TBCD: variants seen among roughly 807,000 people sequenced by gnomAD.
The protein encoded by TBCD is tubulin folding cofactor D, also known as tubulin-specific chaperone D.
A neutral mutation model predicts 169.3 loss-of-function variants in TBCD; 105 were observed. The observed-to-expected ratio is 0.62, with a 90% CI of 0.53 to 0.73. The LOEUF (loss-of-function observed/expected upper bound fraction) is 0.73, where lower values mean the gene tolerates loss of function less well. Among genes scored for constraint, TBCD ranks in the 30% least tolerant of loss-of-function variants. The pLI is 0.00. For synonymous variants in TBCD, 700 were observed against 643.9 expected, an observed-to-expected ratio of 1.09 and a Z score of -1.32; for missense variants, 1,444 against 1,600.1, an observed-to-expected ratio of 0.90 and a Z score of 1.66.
intron 16 of TBCD, among the ~76,000 whole-genome samples, chr17:82,892,429 G>A (rs2059206399): frequency 6.6e-6 from 1 of 152,128 alleles, no homozygotes; most frequent in Admixed American, 6.5e-5. Context: ...GCAGCCTCAG[G>A]CAGAAGTTTA....
intron 8 of TBCD, among the ~76,000 whole-genome samples, chr17:82,799,650 C>G (rs1318552633): frequency 1.3e-5 from 2 of 152,218 alleles, no homozygotes; most frequent in Admixed American, 6.5e-5. Context: ...ACAGTGCCAT[C>G]TCACCTGTGT....
chr17:82,798,755 A>G (rs992894177), intron 8 of TBCD, among the ~76,000 whole-genome samples: 7 of 151,864 alleles, frequency 4.6e-5, no homozygotes, highest in Non-Finnish European at 8.8e-5. Flanking sequence ...AATTCTCTTA[A>G]TTTATTCTTT....
At chr17:82,772,827 T>C (rs981847134) in intron 6 of TBCD, among the ~76,000 whole-genome samples, 9 of 152,132 alleles carry the variant, frequency 5.9e-5, no homozygotes, top group African/African-American at 9.7e-5. Context: ...GTGGCAGTTA[T>C]GAGAAACATC....
intron 12 of TBCD, among the ~76,000 whole-genome samples, chr17:82,813,822 CAG>C (rs144869978): frequency 8.1e-4 from 123 of 152,308 alleles, no homozygotes; most frequent in African/African-American, 2.8e-3. Context: ...CTGTCGGTGA[CAG>C]TGAGCTCTGA....
Position 82,881,975 on chromosome 17 carries a change from T to C in TBCD, c.1476-2170T>C, listed in dbSNP as rs140170703. 7.2e-3 allele frequency among the ~76,000 whole-genome samples: 1,089 copies of C among 152,082 alleles called. 9 individuals carry two copies. The highest frequency in any genetic ancestry group is 0.025 in the African/African-American group (1,037 of 41,474). ...CAGAGCCTGTGAGACTTGCAGGCAT[T>C]TCCCCAGAACCCAGGCCCTCTTGGC... On this transcript the variant is annotated intron_variant, in intron 14 of 38. Coordinates refer to ENST00000355528, the MANE Select transcript of TBCD (RefSeq NM_005993.5).
Position 82,754,236 on chromosome 17 carries a change from GT to G in TBCD, c.184+1860del, listed in dbSNP as rs2047284288. Among the ~76,000 whole-genome samples, 4 of 152,122 alleles carry G rather than the reference GT, an allele frequency of 2.6e-5. No homozygotes were observed. In the South Asian group the frequency reaches 8.3e-4, roughly 32 times the overall value. On this transcript the variant is annotated intron_variant, in intron 1 of 38. Coordinates refer to ENST00000355528, the MANE Select transcript of TBCD (RefSeq NM_005993.5). ...TTTTAGAGGTAATCTGGGGGAAAGG[GT>G]GGGGGTGGCTGATTGGTTAGGGGTA... is the stretch of plus-strand genomic sequence containing the variant.
chr17:82,807,510 C>T (rs554181922), intron 10 of TBCD, 98 bp from the exon 11 acceptor site: 11 of 720,784 alleles, frequency 1.5e-5, no homozygotes, highest in East Asian at 1.0e-4. Context: ...TTCCCTTCGG[C>T]GTGTGCACTG....
At chr17:82,836,104 C>T (rs1216097504) in intron 13 of TBCD, among the ~76,000 whole-genome samples, 2 of 152,208 alleles carry the variant, frequency 1.3e-5, no homozygotes, top group South Asian at 2.1e-4. Context: ...GAAGAAAGAA[C>T]GTGAAATAAT....
chr17:82,904,470 A>C (rs1331138924), intron 19 of TBCD, among the ~76,000 whole-genome samples: 1 of 152,268 alleles, frequency 6.6e-6, no homozygotes, highest in Non-Finnish European at 1.5e-5. Context: ...GGGAGACTCA[A>C]AGTCTGCCCA....
In TBCD at chr17:82,832,068, C is replaced by T; in HGVS notation, c.1318+17134C>T. The T allele has an allele frequency of 6.2e-7, 1 of 1,614,034 alleles. No homozygotes were observed. The highest frequency in any genetic ancestry group is 8.5e-7 in the Non-Finnish European group (1 of 1,179,912). On this transcript the variant is annotated intron_variant, in intron 13 of 38. Transcript: ENST00000355528. This position sits in a 1 kb window ranked among gnomAD's most constrained non-coding sequence, Gnocchi z 4.9. The stretch of plus-strand genomic sequence containing the variant: ...AGGGTGATGCCCTGTGGAGGGCTGG[C>T]TTCTGTCCCAGGCACCTGTGGGTTC...
intron 2 of TBCD, among the ~76,000 whole-genome samples, chr17:82,763,232 C>T (rs539928285): frequency 6.6e-6 from 1 of 152,130 alleles, no homozygotes; most frequent in Non-Finnish European, 1.5e-5. Flanking sequence ...TGTATACTTA[C>T]AGAATTGTTA....
rs1350388938 is a variant in TBCD, at chr17:82,915,197, AGGACGCCGGCATGTCG to A, written c.2038+3410_2038+3425del. 6.6e-6 allele frequency among the ~76,000 whole-genome samples: 1 copy of A among 152,138 alleles called. No homozygotes were observed. Among genetic ancestry groups the A allele is most frequent in the Non-Finnish European group, 1.5e-5 (1 of 68,026 alleles). ...CCAGAGGATGGCGCCCTTACCCCCG[AGGACGCCGGCATGTCG>A]GTGACATGCCGCCCGCAGGAGCATC... On this transcript the variant is annotated intron_variant, in intron 23 of 38. Coordinates refer to ENST00000355528, the MANE Select transcript of TBCD (RefSeq NM_005993.5). This position sits in a 1 kb window ranked among gnomAD's most constrained non-coding sequence, Gnocchi z 4.3.
chr17:82,799,720 C>T (rs1202506130), intron 8 of TBCD, among the ~76,000 whole-genome samples: 10 of 152,192 alleles, frequency 6.6e-5, no homozygotes, highest in Admixed American at 5.2e-4. Context: ...CACCCGAGAA[C>T]GCGAGCAGCC....
At position 82,874,893 on chromosome 17, in the gene TBCD, T is replaced by C. The variant is rs754867681; in HGVS notation, c.1475+4513T>C. ...TGATACAATCTTGATTTCTCTAACTTTCACAAGTTCTTCGGTGGGTCCTGT... is the reference window on the plus strand; with the variant it reads ...TGATACAATCTTGATTTCTCTAACTCTCACAAGTTCTTCGGTGGGTCCTGT... On this transcript the variant is annotated intron_variant, in intron 14 of 38. Coordinates refer to ENST00000355528, the MANE Select transcript of TBCD (RefSeq NM_005993.5). This position sits in a 1 kb window ranked among gnomAD's most constrained non-coding sequence, Gnocchi z 5.0. 6.6e-6 allele frequency among the ~76,000 whole-genome samples: 1 copy of C among 152,240 alleles called. No homozygotes were observed. The highest frequency in any genetic ancestry group is 1.5e-5 in the Non-Finnish European group (1 of 68,040).
chr17:82,815,042 G>T (rs562702916), intron 13 of TBCD, 108 bp downstream of exon 13: 1 of 1,513,246 alleles, frequency 6.6e-7, no homozygotes, highest in Non-Finnish European at 8.9e-7. Context: ...GCTGAAGCAC[G>T]GTCAGCTGCG....
Position 82,941,466 on chromosome 17 carries a change from C to T in TBCD, c.3547C>T (p.Pro1183Ser), listed in dbSNP as rs761205495. ...RLCDLLGVPR[P>S]QLVPQPGAC is the part of the protein sequence containing the mutation. ...GTGTGACCTTCTGGGCGTACCCAGG[C>T]CCCAGCTGGTGCCCCAGGTAACCCT... The change falls in exon 38 of 39, where the codon CCC (proline) becomes TCC (serine). Residue 1183 changes from proline (P) to serine (S), a missense_variant. Transcript: ENST00000355528. 15 of 1,599,888 alleles carry T rather than the reference C, an allele frequency of 9.4e-6. No individual in the cohort carries two copies. In the Middle Eastern group the frequency reaches 8.3e-4, roughly 88 times the overall value.
intron 22 of TBCD, among the ~76,000 whole-genome samples, chr17:82,909,721 G>A (rs1599459558): frequency 6.6e-6 from 1 of 152,158 alleles, no homozygotes; most frequent in Non-Finnish European, 1.5e-5. Context: ...CCCGCTGTGG[G>A]AGGCGCGTGA....
intron 3 of TBCD, 57 bp from the exon 4 acceptor site, chr17:82,766,210 A>G: frequency 1.4e-6 from 2 of 1,463,842 alleles, no homozygotes; most frequent in Non-Finnish European, 9.4e-7. Context: ...TAGAAAGGCA[A>G]TTTTGCTGCT....
chr17:82,761,770 C>T (rs2047769476), intron 2 of TBCD, among the ~76,000 whole-genome samples: 1 of 150,244 alleles, frequency 6.7e-6, no homozygotes, highest in Admixed American at 6.7e-5. Context: ...GGCTGGAGTG[C>T]GGTGGAGTGC....
Sources: allele counts gnomAD v4.1 joint callset (sites outside exome capture counted in the v4.1 genomes callset), GRCh38; gene constraint gnomAD v4.1.1; non-coding constraint Gnocchi (gnomAD v3.1); transcripts MANE v1.5; gene names NCBI Gene and HGNC (gene_info 2026-07-23, HGNC 2026-07-21).